ABCA10: variants seen among roughly 807,000 people sequenced by gnomAD.
The protein encoded by ABCA10 is ATP binding cassette subfamily A member 10.
ABCA10 carries 169 observed loss-of-function variants against 187.5 expected under a neutral mutation model. The ratio of observed to expected loss-of-function variants is 0.90; its 90% CI spans 0.80 to 1.02. The LOEUF (loss-of-function observed/expected upper bound fraction) is 1.02. Among genes scored for constraint, ABCA10 ranks in the 50% least tolerant of loss-of-function variants. The pLI is 0.00. For missense variants in ABCA10, 1,727 were observed against 1,812.4 expected (o/e 0.95, Z 0.86); for synonymous variants, 574 against 601.8 (o/e 0.95, Z 0.68).
chr17:69,152,525 G>C (rs1188176375), intron 34 of ABCA10, 44 bp from the exon 35 acceptor site: 1 of 1,569,740 alleles, frequency 6.4e-7, no homozygotes, highest in Admixed American at 1.9e-5. Context: ...AAAGTAATTT[G>C]GGGAAATAGA....
intron 25 of ABCA10, among the ~76,000 whole-genome samples, chr17:69,168,529 C>T (rs565250121): frequency 8.2e-4 from 125 of 152,146 alleles, no homozygotes; most frequent in African/African-American, 2.9e-3. Context: ...TTTTTATTCA[C>T]CAAATAATCA....
chr17:69,212,563 A>C (rs2074668965), intron 9 of ABCA10, among the ~76,000 whole-genome samples: 2 of 152,156 alleles, frequency 1.3e-5, no homozygotes, highest in Admixed American at 1.3e-4. Context: ...GGAGTATCGA[A>C]GTCCCCCACT....
chr17:69,169,219 C>A (rs1261767315), intron 25 of ABCA10, among the ~76,000 whole-genome samples: 1 of 152,110 alleles, frequency 6.6e-6, no homozygotes, highest in Non-Finnish European at 1.5e-5. Context: ...AGTGCCAGAC[C>A]ACTGAGGATT....
intron 9 of ABCA10, among the ~76,000 whole-genome samples, chr17:69,202,264 G>A (rs2074551911): frequency 6.6e-6 from 1 of 152,000 alleles, no homozygotes; most frequent in African/African-American, 2.4e-5. Flanking sequence ...ACATTTGGAT[G>A]CTAAAAAAAG....
intron 25 of ABCA10, among the ~76,000 whole-genome samples, chr17:69,169,969 A>G (rs574879258): frequency 5.3e-5 from 8 of 152,266 alleles, no homozygotes; most frequent in East Asian, 1.9e-4. Flanking sequence ...ATAGCAATAT[A>G]TCTTCAGTAT....
rs2074860563 is a variant in ABCA10 at position 69,235,315 on chromosome 17, T to C, written c.-592-6455A>G. ...TTATAACCGGTGATTACAATCTAACTTCAGGTTCTTGTCCTGTCCTATCTA... is the reference window on the plus strand; with the variant it reads ...TTATAACCGGTGATTACAATCTAACCTCAGGTTCTTGTCCTGTCCTATCTA... On this transcript the variant is annotated intron_variant, in intron 1 of 39. Coordinates refer to the ABCA10 transcript ENST00000269081. 2.0e-5 allele frequency among the ~76,000 whole-genome samples: 3 copies of C among 152,196 alleles called. No homozygotes were observed. The South Asian group carries it at 6.2e-4, about 32-fold the overall frequency.
intron 3 of ABCA10, among the ~76,000 whole-genome samples, chr17:69,223,345 T>C (rs892628619): frequency 2.6e-5 from 4 of 152,108 alleles, no homozygotes; most frequent in African/African-American, 9.7e-5. Context: ...ATAAAAAATA[T>C]AGTCTACCTA....
intron 20 of ABCA10, among the ~76,000 whole-genome samples, chr17:69,183,767 G>A (rs887238393): frequency 6.6e-6 from 1 of 152,150 alleles, no homozygotes; most frequent in Admixed American, 6.5e-5. Flanking sequence ...GGGGAGGGCT[G>A]CCAGTGGAAT....
Position 69,152,412 on chromosome 17 carries a change from C to A in ABCA10, c.4206G>T (p.Glu1402Asp). The change falls in exon 35 of 39, where the codon GAG (glutamate) becomes GAT (aspartate). Residue 1402 changes from glutamate to aspartate, a missense_variant. Transcript: ENST00000690296. ...GTLLTTHYMSEAEAVCDRMAM... is the reference protein window; with the variant it reads ...GTLLTTHYMSDAEAVCDRMAM... Reference sequence around the variant, plus strand: ...CCATACGGTCACACACAGCCTCAGCCTCTGACATGTAATGGGTGGTCAAGA... The same window carrying A: ...CCATACGGTCACACACAGCCTCAGCATCTGACATGTAATGGGTGGTCAAGA... 6.2e-7 allele frequency: 1 copy of A among 1,614,064 alleles called. No homozygotes were observed. The highest frequency in any genetic ancestry group is 8.5e-7 in the Non-Finnish European group (1 of 1,179,976).
chr17:69,182,748 T>C lies in ABCA10; in HGVS notation c.2558A>G (p.Asp853Gly), dbSNP rs756421738. 3.7e-6 allele frequency: 6 copies of C among 1,612,500 alleles called. No homozygotes were observed. The Admixed American group carries it at 8.3e-5, about 22-fold the overall frequency. Residue 853 changes from aspartate to glycine, a missense_variant, in exon 21 of 39, where the codon GAT (aspartate) becomes GGT (glycine). Coordinates refer to ENST00000690296, the MANE Select transcript of ABCA10 (RefSeq NM_001377321.1). ...TGAGCCATTTCTGTTTCTAAAGTCA[T>C]CTATTTCCAAAACTATATCCTGACA... ...LKCQDIVLEI[D>G]DFRNRNGSDD...
intron 37 of ABCA10, among the ~76,000 whole-genome samples, chr17:69,149,556 C>G (rs2074113208): frequency 6.6e-6 from 1 of 152,162 alleles, no homozygotes; most frequent in Non-Finnish European, 1.5e-5. Flanking sequence ...TTTCGCTGAC[C>G]TTCACTCAGT....
intron 23 of ABCA10, 127 bp downstream of exon 23, chr17:69,175,279 T>C: frequency 1.3e-6 from 1 of 747,440 alleles, no homozygotes; most frequent in Non-Finnish European, 2.1e-6. Context: ...TATACTGATA[T>C]TAGATTGTAA....
At position 69,174,300 on chromosome 17, in the gene ABCA10, C is replaced by A. The variant is rs749570978; in HGVS notation, c.3143G>T (p.Trp1048Leu). 6 of 1,604,042 alleles carry A rather than the reference C, an allele frequency of 3.7e-6. No individual in the cohort carries two copies. In the Admixed American group the frequency reaches 8.6e-5, roughly 23 times the overall value. Reference protein sequence around the residue: ...FRKWRKNNGFWSFGFFIILIC... With the variant: ...FRKWRKNNGFLSFGFFIILIC... The stretch of plus-strand genomic sequence containing the variant: ...ACTTACAATAAAAAAGCCAAAAGAC[C>A]AAAAGCCATTATTTTTTCTCCACTT... Residue 1048 changes from tryptophan (W) to leucine (L), a missense_variant, in exon 25 of 39, where the codon TGG becomes TTG. Trp to Leu is a moderately conservative substitution (Grantham distance 61). Transcript: ENST00000690296.
At chr17:69,155,718 C>A in intron 29 of ABCA10, 87 bp downstream of exon 29, 1 of 1,465,328 alleles carries the variant, frequency 6.8e-7, no homozygotes, top group Non-Finnish European at 9.1e-7. Context: ...ACTAAAGCAG[C>A]TTTTCAAAAT....
At chr17:69,197,896 T>C (rs1217126189) in intron 10 of ABCA10, among the ~76,000 whole-genome samples, 1 of 152,226 alleles carries the variant, frequency 6.6e-6, no homozygotes, top group Non-Finnish European at 1.5e-5. Context: ...TTCTAATGAT[T>C]CCCAAATTTG....
Position 69,201,678 on chromosome 17 carries a change from TAAGA to T in ABCA10, c.1007-14_1007-11del, listed in dbSNP as rs773568942. The T allele has an allele frequency of 2.2e-4, 343 of 1,581,594 alleles. 7 individuals carry two copies. In the South Asian group the frequency reaches 2.7e-3, roughly 13 times the overall value. ...CCATGGCCATCTTTATCTAATTAAT[TAAGA>T]TACAATTACATATTGCATCAATTAT... On this transcript the variant is annotated splice_polypyrimidine_tract_variant and intron_variant, in intron 9 of 38. Coordinates refer to ENST00000690296, the MANE Select transcript of ABCA10 (RefSeq NM_001377321.1).
intron 23 of ABCA10, among the ~76,000 whole-genome samples, chr17:69,175,050 C>A (rs753173371): frequency 6.6e-6 from 1 of 152,008 alleles, no homozygotes; most frequent in Non-Finnish European, 1.5e-5. Context: ...TTTATTAAAG[C>A]GTAGTTAAAT....
chr17:69,216,066 C>T (rs931085370), intron 7 of ABCA10, 66 bp from the exon 8 acceptor site: 15 of 1,561,000 alleles, frequency 9.6e-6, no homozygotes, highest in South Asian at 4.8e-5. Flanking sequence ...CAATATTCAT[C>T]GATTTCTCAC....
intron 10 of ABCA10, among the ~76,000 whole-genome samples, chr17:69,198,474 G>A (rs1252831454): frequency 6.6e-6 from 1 of 152,164 alleles, no homozygotes; most frequent in African/African-American, 2.4e-5. Flanking sequence ...GCAGGCTCGA[G>A]GTTTGCAGCA....
Sources: gnomAD v4.1 joint callset for allele counts (sites outside exome capture counted in the v4.1 genomes callset) on GRCh38, gnomAD v4.1.1 for gene constraint, MANE v1.5 for transcripts, NCBI Gene and HGNC (gene_info 2026-07-23, HGNC 2026-07-21) for gene names.